The following KCTD16 variants were observed in gnomAD, a reference collection of about 807,000 sequenced individuals.
The protein encoded by KCTD16 is BTB/POZ domain-containing protein KCTD16.
A neutral mutation model predicts 33.2 loss-of-function variants in KCTD16; 13 were observed. The observed-to-expected ratio is 0.39, with a 90% CI of 0.25 to 0.62. The LOEUF (loss-of-function observed/expected upper bound fraction) is 0.62. KCTD16 is among the 20% of genes least tolerant of loss of function. KCTD16 has a pLI of 0.50. For synonymous variants in KCTD16, 197 were observed against 195.3 expected (o/e 1.01, Z -0.07); for missense variants, 441 against 525.1 (o/e 0.84, Z 1.57).
At chr5:144,352,386 G>C (rs1267510402) in intron 3 of KCTD16, among the ~76,000 whole-genome samples, 1 of 152,178 alleles carries the variant, frequency 6.6e-6, no homozygotes, top group Non-Finnish European at 1.5e-5. Context: ...TACTGGCAGA[G>C]AATGATAACT....
At chr5:144,365,859 A>G (rs140799275) in intron 3 of KCTD16, among the ~76,000 whole-genome samples, 104 of 152,318 alleles carry the variant, frequency 6.8e-4, no homozygotes, top group African/African-American at 2.3e-3. Context: ...CAGATTTACT[A>G]TTAAGTAGAA....
In KCTD16 at chr5:144,207,349, G is replaced by A; in HGVS notation, c.635G>A (p.Ser212Asn). ...GTCTTTGGAGAAACTTTGAATGAAA[G>A]CAGAGACCCTGATCGAGCCCCAGAA... ...KEVFGETLNE[S>N]RDPDRAPERY... The change falls in exon 3 of 4, where the codon AGC becomes AAC. Residue 212 changes from serine (S) to asparagine (N), a missense_variant. This residue lies in a region of KCTD16 where 355 missense variants were observed against 413.0 expected (regional missense o/e 0.86). Coordinates refer to ENST00000512467, the MANE Select transcript of KCTD16 (RefSeq NM_020768.4). 6.2e-7 allele frequency: 1 copy of A among 1,614,180 alleles called. No individual in the cohort carries two copies. Among genetic ancestry groups the A allele is most frequent in the East Asian group, 2.2e-5 (1 of 44,888 alleles).
intron 3 of KCTD16, among the ~76,000 whole-genome samples, chr5:144,259,028 G>A (rs1754928383): frequency 6.6e-6 from 1 of 152,130 alleles, no homozygotes; most frequent in Non-Finnish European, 1.5e-5. Context: ...GGAGACCGAA[G>A]TGGGCAGATC....
In KCTD16 at chr5:144,474,304, T is replaced by G; in HGVS notation, c.*190T>G. The G allele has an allele frequency of 1.8e-6, 1 of 558,878 alleles. No homozygotes were observed. The highest frequency in any genetic ancestry group is 3.1e-6 in the Non-Finnish European group (1 of 320,132). 34.6% of individuals were successfully genotyped at this position (558,878 alleles called of 1,614,324 possible). ...ATGTAAATCCACAGGGTAGATTTCT[T>G]TCTAGATGTGGAAGTACAAGAAAAT... is the stretch of plus-strand genomic sequence containing the variant. On this transcript the variant is annotated 3_prime_UTR_variant, in exon 4 of 4. Coordinates refer to ENST00000512467, the MANE Select transcript of KCTD16 (RefSeq NM_020768.4).
intron 3 of KCTD16, 114 bp from the exon 4 acceptor site, chr5:144,473,546 C>T: frequency 9.0e-7 from 1 of 1,105,454 alleles, no homozygotes; most frequent in South Asian, 1.7e-5. Context: ...TTTCTAAAAG[C>T]ATGGTTCTGC....
chr5:144,274,419 G>C (rs899117793), intron 3 of KCTD16, among the ~76,000 whole-genome samples: 2 of 152,160 alleles, frequency 1.3e-5, no homozygotes, highest in Non-Finnish European at 2.9e-5. Context: ...CCTTACCAAG[G>C]CATGGTGATT....
chr5:144,408,420 G>A (rs1169992639), intron 3 of KCTD16, among the ~76,000 whole-genome samples: 2 of 152,186 alleles, frequency 1.3e-5, no homozygotes, highest in Non-Finnish European at 2.9e-5. Context: ...TGCACTGAGT[G>A]TACAGTCAGA....
rs551716080 is a variant in KCTD16, at chr5:144,233,140, G to GTTACCTGACATA, written c.832+25597_832+25608dup. On this transcript the variant is annotated intron_variant, in intron 3 of 3. Transcript: ENST00000512467. ...TTTAGATTTTGATAATTGCTTTACA[G>GTTACCTGACATA]TTACCTGACATATTTTCAGCTTGAG... is the stretch of plus-strand genomic sequence containing the variant. Among the ~76,000 whole-genome samples the GTTACCTGACATA allele has an allele frequency of 3.6e-3, 553 of 151,956 alleles. 3 individuals are homozygous for GTTACCTGACATA. Among genetic ancestry groups the GTTACCTGACATA allele is most frequent in the Non-Finnish European group, 4.6e-3 (312 of 67,928 alleles).
chr5:144,408,474 C>T (rs1198412543), intron 3 of KCTD16, among the ~76,000 whole-genome samples: 1 of 152,144 alleles, frequency 6.6e-6, no homozygotes, highest in Non-Finnish European at 1.5e-5. Context: ...TTATGTATAA[C>T]TATAAAACCT....
chr5:144,395,048 T>G (rs1018526839), intron 3 of KCTD16, among the ~76,000 whole-genome samples: 5 of 152,172 alleles, frequency 3.3e-5, no homozygotes, highest in Non-Finnish European at 2.9e-5. Flanking sequence ...CTGTTAGAAA[T>G]GCAGATTGTT....
intron 3 of KCTD16, among the ~76,000 whole-genome samples, chr5:144,410,762 G>T (rs1304885539): frequency 6.6e-6 from 1 of 152,056 alleles, no homozygotes; most frequent in Non-Finnish European, 1.5e-5. Flanking sequence ...TATATTTTTT[G>T]CCTGAAGGTT....
chr5:144,293,275 G>A (rs1755945680), intron 3 of KCTD16, among the ~76,000 whole-genome samples: 1 of 152,038 alleles, frequency 6.6e-6, no homozygotes, highest in African/African-American at 2.4e-5. Context: ...AAAAACTTGT[G>A]TTATGATATG....
intron 3 of KCTD16, among the ~76,000 whole-genome samples, chr5:144,270,692 A>T (rs960160015): frequency 2.0e-5 from 3 of 151,704 alleles, no homozygotes; most frequent in African/African-American, 7.2e-5. Context: ...AAAGTTAGAG[A>T]AGAGATAAAA....
intron 3 of KCTD16, among the ~76,000 whole-genome samples, chr5:144,297,201 G>A (rs1012591182): frequency 6.6e-6 from 1 of 152,078 alleles, no homozygotes; most frequent in Non-Finnish European, 1.5e-5. Context: ...TTCATAAAAT[G>A]TTTAGTAATA....
chr5:144,347,196 A>G (rs565156669), intron 3 of KCTD16, among the ~76,000 whole-genome samples: 1 of 152,302 alleles, frequency 6.6e-6, no homozygotes, highest in East Asian at 1.9e-4. Context: ...GAGAGTGGAT[A>G]GAATTATTCG....
In KCTD16 at chr5:144,261,993, T is replaced by C. The variant is rs78158097; in HGVS notation, c.832+54447T>C. Among the ~76,000 whole-genome samples, 44 of 152,360 alleles carry C rather than the reference T, an allele frequency of 2.9e-4. No homozygotes were observed. In the East Asian group the frequency reaches 8.5e-3, roughly 29 times the overall value. On this transcript the variant is annotated intron_variant, in intron 3 of 3. Coordinates refer to ENST00000512467, the MANE Select transcript of KCTD16 (RefSeq NM_020768.4). ...AAATATTTACTGAATACTTCATTTGTTGCCACTCACTGTGCTAGACACAGG... is the reference window on the plus strand; with the variant it reads ...AAATATTTACTGAATACTTCATTTGCTGCCACTCACTGTGCTAGACACAGG...
At chr5:144,264,184 G>A (rs1755081102) in intron 3 of KCTD16, among the ~76,000 whole-genome samples, 1 of 152,138 alleles carries the variant, frequency 6.6e-6, no homozygotes, top group Non-Finnish European at 1.5e-5. Context: ...AATAATTTAT[G>A]TACTTCTATT....
chr5:144,186,906 G>A (rs1752738036), intron 2 of KCTD16, among the ~76,000 whole-genome samples: 1 of 152,128 alleles, frequency 6.6e-6, no homozygotes, highest in South Asian at 2.1e-4. Context: ...CCTATTATGT[G>A]TCAGGTTCTG....
chr5:144,224,184 A>C (rs1753853002), intron 3 of KCTD16, among the ~76,000 whole-genome samples: 1 of 152,148 alleles, frequency 6.6e-6, no homozygotes, highest in African/African-American at 2.4e-5. Context: ...CTTTTTGAGA[A>C]TGTCACCTTA....
Sources: allele counts gnomAD v4.1 joint callset (sites outside exome capture counted in the v4.1 genomes callset), GRCh38; gene constraint gnomAD v4.1.1; regional missense constraint gnomAD v4.1.1; transcripts MANE v1.5; gene names NCBI Gene and HGNC (gene_info 2026-07-23, HGNC 2026-07-21).